CFAP299: variants seen among roughly 807,000 people sequenced by gnomAD.
The protein encoded by CFAP299 is cilia- and flagella-associated protein 299.
In CFAP299, 21 loss-of-function variants were observed where a neutral mutation model predicts 27.0. That is an observed-to-expected ratio of 0.78 (90% CI 0.55 to 1.12). CFAP299 has a LOEUF of 1.12. Ranked by LOEUF, CFAP299 falls within the 50% of genes most tolerant of loss-of-function variation. CFAP299 has a pLI of 0.00. For synonymous variants in CFAP299, 104 were observed against 98.1 expected, an observed-to-expected ratio of 1.06 and a Z score of -0.36; for missense variants, 310 against 276.6, an observed-to-expected ratio of 1.12 and a Z score of -0.86.
Position 80,396,988 on chromosome 4 carries a change from T to C in CFAP299, c.242+34104T>C, listed in dbSNP as rs540337921. 1.3e-4 allele frequency among the ~76,000 whole-genome samples: 20 copies of C among 152,206 alleles called. No homozygotes were observed. In the South Asian group the frequency reaches 3.7e-3, roughly 28 times the overall value. On this transcript the variant is annotated intron_variant, in intron 2 of 5. Coordinates refer to ENST00000358105, the MANE Select transcript of CFAP299 (RefSeq NM_152770.3). ...TCCTCCTTGTACCTCTGGTAGAATT[T>C]GGCTGTGAATCCATCTGGTCCTGGA...
At chr4:80,665,589 C>T (rs954950125) in intron 3 of CFAP299, among the ~76,000 whole-genome samples, 3 of 152,186 alleles carry the variant, frequency 2.0e-5, no homozygotes, top group Non-Finnish European at 4.4e-5. Context: ...CTAAATTCTA[C>T]TTTATTGCTT....
At chr4:80,432,784 A>G (rs1727887956) in intron 2 of CFAP299, among the ~76,000 whole-genome samples, 1 of 152,008 alleles carries the variant, frequency 6.6e-6, no homozygotes, top group East Asian at 1.9e-4. Flanking sequence ...GGCCTCCCAA[A>G]GTGCTGGGAT....
chr4:80,668,386 A>G (rs960950671), intron 3 of CFAP299, among the ~76,000 whole-genome samples: 5 of 152,148 alleles, frequency 3.3e-5, no homozygotes, highest in African/African-American at 1.2e-4. Context: ...TTCCCAGACC[A>G]ATATCCTGGA....
intron 4 of CFAP299, among the ~76,000 whole-genome samples, chr4:80,896,142 TG>T (rs1346715881): frequency 6.6e-6 from 1 of 152,098 alleles, no homozygotes; most frequent in Non-Finnish European, 1.5e-5. Context: ...CTCTTACATG[TG>T]CTTACCACAG....
intron 3 of CFAP299, among the ~76,000 whole-genome samples, chr4:80,675,588 A>C (rs1468731516): frequency 6.6e-6 from 1 of 152,216 alleles, no homozygotes; most frequent in South Asian, 2.1e-4. Flanking sequence ...AGACAGGGAC[A>C]TTTAAGTCTG....
Position 80,782,103 on chromosome 4 carries a change from A to AT in CFAP299, c.334-87886dup, listed in dbSNP as rs527268501. Among the ~76,000 whole-genome samples the AT allele has an allele frequency of 3.4e-4, 52 of 152,094 alleles. No individual in the cohort carries two copies. The South Asian group carries it at 7.9e-3, about 23-fold the overall frequency. On this transcript the variant is annotated intron_variant, in intron 3 of 5. Coordinates refer to ENST00000358105, the MANE Select transcript of CFAP299 (RefSeq NM_152770.3). ...CCTATGTGTTCAGAAGAAGTATGTG[A>AT]TTTTATCTGGACAATTATGGAATTT...
intron 2 of CFAP299, among the ~76,000 whole-genome samples, chr4:80,511,943 C>A (rs751875458): frequency 1.1e-4 from 17 of 151,974 alleles, no homozygotes; most frequent in Non-Finnish European, 2.1e-4. Flanking sequence ...TTCTTAGAGA[C>A]CCAAAAATTA....
intron 2 of CFAP299, among the ~76,000 whole-genome samples, chr4:80,558,905 G>T (rs902086140): frequency 1.3e-5 from 2 of 151,980 alleles, no homozygotes; most frequent in Non-Finnish European, 2.9e-5. Flanking sequence ...ACAAGAAACG[G>T]TATAATACAT....
intron 2 of CFAP299, among the ~76,000 whole-genome samples, chr4:80,363,386 T>C (rs1043432686): frequency 1.3e-5 from 2 of 152,214 alleles, no homozygotes; most frequent in Non-Finnish European, 2.9e-5. Flanking sequence ...TTAAAACATA[T>C]GATGAAAGAG....
At chr4:80,449,998 T>C (rs1386381658) in intron 2 of CFAP299, among the ~76,000 whole-genome samples, 1 of 152,158 alleles carries the variant, frequency 6.6e-6, no homozygotes, top group Non-Finnish European at 1.5e-5. Flanking sequence ...TCTCTCTTCC[T>C]CTGCCTAAGT....
At chr4:80,902,590 C>G (rs368258035) in intron 4 of CFAP299, among the ~76,000 whole-genome samples, 2 of 115,932 alleles carry the variant, frequency 1.7e-5, no homozygotes, top group East Asian at 5.5e-4. Flanking sequence ...AATATATACA[C>G]ACACACACAC....
the CFAP299 span, among the ~76,000 whole-genome samples, chr4:80,325,357 G>A: frequency 1.3e-5 from 2 of 152,160 alleles, no homozygotes; most frequent in African/African-American, 4.8e-5. Context: ...AGTGATAATA[G>A]TATCTATTTA....
chr4:80,744,505 C>T (rs544930779), intron 3 of CFAP299, among the ~76,000 whole-genome samples: 9 of 152,030 alleles, frequency 5.9e-5, no homozygotes, highest in South Asian at 2.1e-4. Flanking sequence ...GTGGTTCAGC[C>T]CCAAAATTTG....
chr4:80,829,173 T>C (rs1730158671), intron 3 of CFAP299, among the ~76,000 whole-genome samples: 1 of 152,014 alleles, frequency 6.6e-6, no homozygotes, highest in Non-Finnish European at 1.5e-5. Context: ...TTGCAAATCA[T>C]ATATCTGATA....
At chr4:80,531,011 G>T (rs1733436108) in intron 2 of CFAP299, among the ~76,000 whole-genome samples, 6 of 152,110 alleles carry the variant, frequency 3.9e-5, no homozygotes, top group Admixed American at 3.9e-4. Context: ...ATTTTTAGAT[G>T]GTTTTAAGCA....
intron 2 of CFAP299, among the ~76,000 whole-genome samples, chr4:80,509,993 G>A (rs1732218451): frequency 6.6e-6 from 1 of 151,862 alleles, no homozygotes; most frequent in Non-Finnish European, 1.5e-5. Context: ...CTGTGTCATT[G>A]CAGAGTCCTA....
chr4:80,430,482 TG>T (rs1727758219), intron 2 of CFAP299, among the ~76,000 whole-genome samples: 1 of 152,376 alleles, frequency 6.6e-6, no homozygotes, highest in East Asian at 1.9e-4. Context: ...TGAGGTGCTC[TG>T]GGGATCAGTC....
intron 2 of CFAP299, among the ~76,000 whole-genome samples, chr4:80,458,758 A>G (rs1482851106): frequency 6.6e-6 from 1 of 152,154 alleles, no homozygotes; most frequent in African/African-American, 2.4e-5. Context: ...ATTCAATCCC[A>G]GAAATAGGCT....
intron 3 of CFAP299, among the ~76,000 whole-genome samples, chr4:80,600,530 A>T (rs1439680272): frequency 6.6e-6 from 1 of 152,086 alleles, no homozygotes; most frequent in Non-Finnish European, 1.5e-5. Context: ...TGCTGCTGTG[A>T]GCTTTTAAAT....
Sources: gnomAD v4.1 joint callset for allele counts (sites outside exome capture counted in the v4.1 genomes callset) on GRCh38, gnomAD v4.1.1 for gene constraint, MANE v1.5 for transcripts, NCBI Gene and HGNC (gene_info 2026-07-23, HGNC 2026-07-21) for gene names.